Variants in TMEM74 observed in about 807,000 individuals in gnomAD.
The protein encoded by TMEM74 is transmembrane protein 74.
In TMEM74, 13 loss-of-function variants were observed where a neutral mutation model predicts 18.1. That is an observed-to-expected ratio of 0.72 (90% CI 0.47 to 1.14). The LOEUF is 1.14. Among genes scored for constraint, TMEM74 ranks in the 50% most tolerant of loss-of-function variants. TMEM74 has a pLI of 0.00. For synonymous variants in TMEM74, 159 were observed against 146.6 expected (o/e 1.08, Z -0.61); for missense variants, 372 against 375.9 (o/e 0.99, Z 0.09).
intron 2 of TMEM74, among the ~76,000 whole-genome samples, chr8:108,642,519 G>A (rs935596229): frequency 7.9e-5 from 12 of 152,020 alleles, no homozygotes; most frequent in Admixed American, 5.9e-4. Context: ...GCACACTTTC[G>A]ACTTTATTCA....
intron 1 of TMEM74, among the ~76,000 whole-genome samples, chr8:108,765,911 C>T (rs952969266): frequency 7.6e-6 from 1 of 130,908 alleles, no homozygotes; most frequent in Non-Finnish European, 1.6e-5. Context: ...GGGAGGCTTT[C>T]TCTCTAAATG....
chr8:108,690,711 A>G (rs572970746), intron 1 of TMEM74, among the ~76,000 whole-genome samples: 41 of 152,182 alleles, frequency 2.7e-4, no homozygotes, highest in African/African-American at 8.2e-4. Context: ...AGCCCCAGCT[A>G]CTCAGGAGGC....
At chr8:108,643,938 C>T (rs375429919) in intron 2 of TMEM74, among the ~76,000 whole-genome samples, 19 of 152,176 alleles carry the variant, frequency 1.2e-4, no homozygotes, top group African/African-American at 4.6e-4. Context: ...AAGCAATCTA[C>T]AGATTCAATG....
At chr8:108,776,591 C>T (rs1344479837), downstream of TMEM74, among the ~76,000 whole-genome samples, 1 of 152,242 alleles carries the variant, frequency 6.6e-6, no homozygotes, top group Admixed American at 6.5e-5. Flanking sequence ...AAGATATTTA[C>T]ATACCATACT....
At chr8:108,691,375 A>G (rs75787957) in intron 1 of TMEM74, among the ~76,000 whole-genome samples, 4,467 of 152,316 alleles carry the variant, frequency 0.029, 121 homozygotes, top group African/African-American at 0.066. Context: ...ATGTGCCTGA[A>G]GTGCCCAGAA....
rs1056098179 is a variant in TMEM74, at chr8:108,783,665, T to C, written c.*516A>G. On this transcript the variant is annotated 3_prime_UTR_variant, in exon 2 of 2. Coordinates refer to ENST00000297459, the MANE Select transcript of TMEM74 (RefSeq NM_153015.3). ...CCCAACATCCTCAAACTTCAAAATA[T>C]TCAAACTAAAAATTCCATGTTTTAG... is the stretch of plus-strand genomic sequence containing the variant. 1.3e-5 allele frequency: 2 copies of C among 152,110 alleles called. No individual in the cohort carries two copies. The highest frequency in any genetic ancestry group is 4.8e-5 in the African/African-American group (2 of 41,374). 9.4% of individuals were successfully genotyped at this position (152,110 alleles called of 1,614,324 possible). A position where few individuals can be genotyped will look rare whatever the true frequency, so the allele number is the denominator to read the frequency against.
At chr8:108,756,599 A>AGAGAAAGGAAGG (rs1586286215) in intron 1 of TMEM74, among the ~76,000 whole-genome samples, 2 of 51,554 alleles carry the variant, frequency 3.9e-5, no homozygotes, top group East Asian at 1.2e-3. Context: ...AAAGAAAGAG[A>AGAGAAAGGAAGG]AAGGAAGGAA....
intron 1 of TMEM74, among the ~76,000 whole-genome samples, chr8:108,705,972 TCCAAACA>T (rs1168298419): frequency 1.3e-5 from 2 of 152,206 alleles, no homozygotes; most frequent in Non-Finnish European, 2.9e-5. Flanking sequence ...CTATCAAAAT[TCCAAACA>T]GCAGAGCCCC....
intron 1 of TMEM74, among the ~76,000 whole-genome samples, chr8:108,683,497 A>G (rs181237319): frequency 6.6e-6 from 1 of 152,056 alleles, no homozygotes; most frequent in East Asian, 1.9e-4. Flanking sequence ...AATATAATTT[A>G]CTAAATTAAC....
intron 2 of TMEM74, among the ~76,000 whole-genome samples, chr8:108,624,758 T>C (rs1278805251): frequency 1.4e-4 from 21 of 152,014 alleles, no homozygotes; most frequent in Admixed American, 1.4e-3. Flanking sequence ...TTAAAGACCA[T>C]AGTAAAGATA....
At chr8:108,716,215 G>T (rs930240999) in intron 1 of TMEM74, among the ~76,000 whole-genome samples, 1 of 151,998 alleles carries the variant, frequency 6.6e-6, no homozygotes, top group African/African-American at 2.4e-5. Context: ...AACATGCTTT[G>T]CCTTCAAACA....
At chr8:108,647,933 A>G (rs1479569503) in intron 2 of TMEM74, among the ~76,000 whole-genome samples, 2 of 152,168 alleles carry the variant, frequency 1.3e-5, no homozygotes, top group Non-Finnish European at 2.9e-5. Context: ...CTAAGCTATA[A>G]TAAGAAAGGG....
At chr8:108,652,322 AC>A in intron 2 of TMEM74, 1 of 169,782 alleles carries the variant, frequency 5.9e-6, no homozygotes, top group Non-Finnish European at 1.3e-5. Flanking sequence ...TACTGAAGAT[AC>A]ATTTTCAATT....
intron 1 of TMEM74, among the ~76,000 whole-genome samples, chr8:108,726,849 A>G (rs993970146): frequency 1.3e-5 from 2 of 151,962 alleles, no homozygotes; most frequent in African/African-American, 4.8e-5. Flanking sequence ...GAAATGATAA[A>G]TGCCAAAAAA....
chr8:108,688,479 G>A (rs1234993799), intron 1 of TMEM74, among the ~76,000 whole-genome samples: 1 of 152,136 alleles, frequency 6.6e-6, no homozygotes, highest in Non-Finnish European at 1.5e-5. Flanking sequence ...TCAGCCCCAT[G>A]GCATCACAAT....
At chr8:108,646,552 G>A (rs1426457159) in intron 2 of TMEM74, among the ~76,000 whole-genome samples, 4 of 152,068 alleles carry the variant, frequency 2.6e-5, no homozygotes, top group Non-Finnish European at 1.5e-5. Context: ...GCCTTTTATT[G>A]TATATTCTGC....
intron 1 of TMEM74, among the ~76,000 whole-genome samples, chr8:108,736,988 A>C (rs930137011): frequency 6.6e-6 from 1 of 152,176 alleles, no homozygotes; most frequent in African/African-American, 2.4e-5. Flanking sequence ...GTTTCAAACT[A>C]TTCCTCAAAA....
At chr8:108,690,254 A>T (rs927367914) in intron 1 of TMEM74, among the ~76,000 whole-genome samples, 2 of 152,158 alleles carry the variant, frequency 1.3e-5, no homozygotes, top group African/African-American at 2.4e-5. Flanking sequence ...TAATGTGTTC[A>T]TCCATACATT....
intron 1 of TMEM74, among the ~76,000 whole-genome samples, chr8:108,697,981 G>A (rs1296378596): frequency 6.6e-6 from 1 of 152,102 alleles, no homozygotes; most frequent in Non-Finnish European, 1.5e-5. Flanking sequence ...TACCCTGAGT[G>A]CCTGCCCTGA....
Sources: allele counts gnomAD v4.1 joint callset (sites outside exome capture counted in the v4.1 genomes callset), GRCh38; gene constraint gnomAD v4.1.1; transcripts MANE v1.5; gene names NCBI Gene and HGNC (gene_info 2026-07-23, HGNC 2026-07-21).